DLGAP4: variants seen among roughly 807,000 people sequenced by gnomAD.
The protein encoded by DLGAP4 is DLG associated protein 4.
In DLGAP4, 18 loss-of-function variants were observed where a neutral mutation model predicts 86.9. The observed-to-expected ratio is 0.21, with a 90% CI of 0.14 to 0.31. DLGAP4 has a LOEUF of 0.31. Ranked by LOEUF, DLGAP4 falls within the 10% of genes least tolerant of loss-of-function variation. The pLI is 1.00. For missense variants in DLGAP4, 1,085 were observed against 1,362.6 expected, an observed-to-expected ratio of 0.80 and a Z score of 3.21; for synonymous variants, 548 against 574.3, an observed-to-expected ratio of 0.95 and a Z score of 0.65.
intron 2 of DLGAP4, among the ~76,000 whole-genome samples, chr20:36,406,104 A>G (rs1306327778): frequency 6.6e-6 from 1 of 152,022 alleles, no homozygotes; most frequent in Non-Finnish European, 1.5e-5. Context: ...GCAATGAAAA[A>G]TTCACTCTTG....
Position 36,353,163 on chromosome 20 carries a change from G to A in DLGAP4, c.-303-13882G>A, listed in dbSNP as rs987567068. On this transcript the variant is annotated intron_variant, in intron 1 of 12. Transcript: ENST00000339266. ...AAATGGGGAGAAGGGGTGGCCAGGG[G>A]TACCCGACGAGCTCAGAGCAGAGGG... 3.3e-5 allele frequency among the ~76,000 whole-genome samples: 5 copies of A among 152,184 alleles called. No individual in the cohort carries two copies. The South Asian group carries it at 1.0e-3, about 32-fold the overall frequency.
intron 7 of DLGAP4, chr20:36,461,354 G>C: frequency 5.8e-6 from 4 of 689,810 alleles, no homozygotes; most frequent in Non-Finnish European, 5.3e-6. Context: ...CAAGCGGGCT[G>C]CGCGCGCCCC....
intron 1 of DLGAP4, among the ~76,000 whole-genome samples, chr20:36,364,940 C>T (rs1555894515): frequency 6.6e-6 from 1 of 151,970 alleles, no homozygotes; most frequent in Non-Finnish European, 1.5e-5. Flanking sequence ...GCAAAAAATA[C>T]AAAAATTAGT....
chr20:36,480,281 C>T (rs937131946), intron 7 of DLGAP4, among the ~76,000 whole-genome samples: 6 of 152,306 alleles, frequency 3.9e-5, no homozygotes, highest in African/African-American at 9.6e-5. Flanking sequence ...ACTTCCCAGA[C>T]GAAGGTGTTT....
At chr20:36,396,248 T>C (rs1364052401) in intron 2 of DLGAP4, among the ~76,000 whole-genome samples, 1 of 147,702 alleles carries the variant, frequency 6.8e-6, no homozygotes, top group Non-Finnish European at 1.5e-5. Flanking sequence ...CTTGACCGGC[T>C]TGAGACCTCT....
chr20:36,520,758 T>C lies in DLGAP4; in HGVS notation c.2513-3492T>C, dbSNP rs142920052. On this transcript the variant is annotated intron_variant, in intron 10 of 12. Transcript: ENST00000339266. ...GCTTTTTTTTTTTCCCCTTCTTTCA[T>C]TGCTTATGCTTTTGGTGTCTTAAGA... Among the ~76,000 whole-genome samples the C allele has an allele frequency of 3.2e-4, 48 of 152,302 alleles. 1 individual carries two copies. In the East Asian group the frequency reaches 8.5e-3, roughly 27 times the overall value.
intron 1 of DLGAP4, among the ~76,000 whole-genome samples, chr20:36,352,945 G>A (rs899289358): frequency 3.9e-5 from 6 of 152,178 alleles, no homozygotes; most frequent in Admixed American, 1.3e-4. Context: ...GGGGGGCTAC[G>A]GAAATGAGTG....
At position 36,431,912 on chromosome 20, in the gene DLGAP4, C is replaced by T. The variant is rs747428059; in HGVS notation, c.195C>T (p.Pro65=). 6.2e-7 allele frequency: 1 copy of T among 1,614,214 alleles called. No homozygotes were observed. The highest frequency in any genetic ancestry group is 1.3e-5 in the African/African-American group (1 of 75,068). ...DGLFPLNNQL[P]PPSSTFPRIH... ...TCTTTCCCCTCAACAACCAGCTGCC[C>T]CCGCCCAGCAGCACCTTTCCCCGCA... Residue 65 remains proline (P), a synonymous_variant, in exon 3 of 13, where the codon CCC becomes CCT. Coordinates refer to ENST00000339266, the MANE Select transcript of DLGAP4 (RefSeq NM_001365621.2). This position sits in a 1 kb window ranked among gnomAD's most constrained non-coding sequence, Gnocchi z 5.1.
At chr20:36,401,073 C>G (rs565183561) in intron 2 of DLGAP4, among the ~76,000 whole-genome samples, 121 of 152,178 alleles carry the variant, frequency 8.0e-4, no homozygotes, top group Non-Finnish European at 1.3e-3. Context: ...TCCAGTCCCC[C>G]ACCCGCCCAG....
intron 7 of DLGAP4, among the ~76,000 whole-genome samples, chr20:36,474,286 A>G (rs933706175): frequency 2.0e-5 from 3 of 152,192 alleles, no homozygotes; most frequent in African/African-American, 7.2e-5. Flanking sequence ...CTTATGGGGA[A>G]AGGTGGCCTG....
intron 10 of DLGAP4, among the ~76,000 whole-genome samples, chr20:36,514,968 G>A (rs144507534): frequency 6.6e-6 from 1 of 152,242 alleles, no homozygotes; most frequent in East Asian, 1.9e-4. Flanking sequence ...GTAAGGAGGT[G>A]GAGAGGACGC....
chr20:36,458,542 A>G (rs1161787946), intron 7 of DLGAP4, among the ~76,000 whole-genome samples: 1 of 150,864 alleles, frequency 6.6e-6, no homozygotes, highest in African/African-American at 2.4e-5. Context: ...CCTCTCTACT[A>G]AAAATACAAA....
At chr20:36,327,846 C>T (rs2065231691) in intron 1 of DLGAP4, among the ~76,000 whole-genome samples, 1 of 148,058 alleles carries the variant, frequency 6.8e-6, no homozygotes, top group African/African-American at 2.4e-5. Flanking sequence ...CCGCCTCGGC[C>T]TCCCAAAGTG....
chr20:36,475,220 C>CA (rs2034855685), intron 7 of DLGAP4, among the ~76,000 whole-genome samples: 1 of 150,726 alleles, frequency 6.6e-6, no homozygotes, highest in Non-Finnish European at 1.5e-5. Flanking sequence ...ATGTTTCTTC[C>CA]TTTTTTTTTG....
chr20:36,333,271 G>T (rs2065288645), intron 1 of DLGAP4, among the ~76,000 whole-genome samples: 1 of 152,138 alleles, frequency 6.6e-6, no homozygotes, highest in Non-Finnish European at 1.5e-5. Flanking sequence ...TGAAAATGCA[G>T]CTCTTCTCCT....
At chr20:36,392,777 A>G (rs1023304649) in intron 2 of DLGAP4, among the ~76,000 whole-genome samples, 7 of 152,332 alleles carry the variant, frequency 4.6e-5, no homozygotes, top group African/African-American at 1.7e-4. Context: ...ACGGGACCCA[A>G]CCTCAACTTT....
At chr20:36,368,144 G>A (rs2030766047) in intron 2 of DLGAP4, among the ~76,000 whole-genome samples, 1 of 152,224 alleles carries the variant, frequency 6.6e-6, no homozygotes, top group African/African-American at 2.4e-5. Flanking sequence ...GTGGAAGGAA[G>A]GAAAGGGGGA....
At chr20:36,524,169 G>A in intron 10 of DLGAP4, 81 bp from the exon 11 acceptor site, 1 of 1,074,634 alleles carries the variant, frequency 9.3e-7, no homozygotes, top group Non-Finnish European at 1.4e-6. Flanking sequence ...AGGGAGTGTG[G>A]GAGGAGATTA....
chr20:36,412,995 TTTG>T (rs2032544793), intron 2 of DLGAP4, among the ~76,000 whole-genome samples: 1 of 151,262 alleles, frequency 6.6e-6, no homozygotes, highest in Admixed American at 6.6e-5. Context: ...TTTTTTTTTT[TTTG>T]GAACAGAGTC....
Sources: gnomAD v4.1 joint callset for allele counts (sites outside exome capture counted in the v4.1 genomes callset) on GRCh38, gnomAD v4.1.1 for gene constraint, Gnocchi (gnomAD v3.1) non-coding constraint, MANE v1.5 for transcripts, NCBI Gene and HGNC (gene_info 2026-07-23, HGNC 2026-07-21) for gene names.